TIE1: variants seen among roughly 807,000 people sequenced by gnomAD.
TIE1 encodes the protein tyrosine kinase with immunoglobulin like and EGF like domains 1.
Under a neutral mutation model 130.5 loss-of-function variants are expected in TIE1, and 89 were observed. The ratio of observed to expected loss-of-function variants is 0.68; its 90% CI spans 0.57 to 0.81. The LOEUF is 0.81. Among genes scored for constraint, TIE1 ranks in the 40% least tolerant of loss-of-function variants. The probability of loss-of-function intolerance (pLI) is 0.00; values close to 1 mark genes in which losing one functional copy is unlikely to be tolerated. For missense variants in TIE1, 1,392 were observed against 1,559.8 expected, an observed-to-expected ratio of 0.89 and a Z score of 1.81; for synonymous variants, 568 against 629.4, an observed-to-expected ratio of 0.90 and a Z score of 1.46.
At chr1:43,308,727 T>G in intron 7 of TIE1, 1 of 578,450 alleles carries the variant, frequency 1.7e-6, no homozygotes, top group Non-Finnish European at 3.2e-6. Context: ...GCTAGTGTGC[T>G]GGCTGGGAGG....
In TIE1 at chr1:43,311,526, C is replaced by A. The variant is rs557584547; in HGVS notation, c.1334-145C>A. On this transcript the variant is annotated intron_variant, in intron 9 of 22. Coordinates refer to ENST00000372476, the MANE Select transcript of TIE1 (RefSeq NM_005424.5). ...GCCCCAAGCTACCCAGGGGCCTGAA[C>A]TCTGTCCTCCCTGGGCCCTGGCCAC... 3 of 1,094,682 alleles carry A rather than the reference C, an allele frequency of 2.7e-6. No homozygotes were observed. In the African/African-American group the frequency reaches 4.7e-5, roughly 17 times the overall value. The allele number at this position is 1,094,682 out of a possible 1,614,324, so 67.8% of individuals were successfully genotyped here.
chr1:43,306,009 C>A lies in TIE1; in HGVS notation c.484+666C>A, dbSNP rs530907733. Among the ~76,000 whole-genome samples, 2 of 152,190 alleles carry A rather than the reference C, an allele frequency of 1.3e-5. No homozygotes were observed. Among genetic ancestry groups the A allele is most frequent in the Non-Finnish European group, 2.9e-5 (2 of 68,034 alleles). ...GGGCTGCCTCCTGAGCTCTGGACCCCGTGAATTGACAGGAAATGTGAAGAG... is the reference window on the plus strand; with the variant it reads ...GGGCTGCCTCCTGAGCTCTGGACCCAGTGAATTGACAGGAAATGTGAAGAG... On this transcript the variant is annotated intron_variant, in intron 3 of 22. Transcript: ENST00000372476. The surrounding 1 kb of genome is among the most constrained non-coding windows in gnomAD (Gnocchi z 4.9).
In TIE1 at chr1:43,307,899, G is replaced by A. The variant is rs1646747335; in HGVS notation, c.1017G>A (p.Trp339Ter). 1 of 1,614,068 alleles carries A rather than the reference G, an allele frequency of 6.2e-7. No homozygotes were observed. The highest frequency in any genetic ancestry group is 8.5e-7 in the Non-Finnish European group (1 of 1,180,028). The stretch of plus-strand genomic sequence containing the variant: ...GTGGTTGTGTCTGCCCCTCTGGGTG[G>A]CATGGAGTGCACTGTGAGAAGTCAG... ...RFSGCVCPSGWHGVHCEKSDR... is the reference protein window; with the variant it reads ...RFSGCVCPSG The change falls in exon 7 of 23, where the codon TGG becomes TGA. Residue 339 changes from tryptophan (W) to a stop codon, truncating the protein, a stop_gained. Transcript: ENST00000372476. LOFTEE classifies it high-confidence loss of function. The surrounding 1 kb of genome is among the most constrained non-coding windows in gnomAD (Gnocchi z 5.4).
Position 43,306,992 on chromosome 1 carries a change from C to T in TIE1, c.637C>T (p.Arg213Trp), listed in dbSNP as rs573341875. The T allele has an allele frequency of 7.4e-6, 12 of 1,613,736 alleles. No individual in the cohort carries two copies. The highest frequency in any genetic ancestry group is 6.7e-5 in the East Asian group (3 of 44,864). The change falls in exon 4 of 23, where the codon CGG (arginine) becomes TGG (tryptophan). Residue 213 changes from arginine to tryptophan, a missense_variant. Physicochemically the swap from Arg to Trp is moderately radical, Grantham distance 101. Around this residue, in one of 6 missense-constraint regions of TIE1, gnomAD observed 415 missense variants for 424.8 expected, o/e 0.98. Coordinates refer to ENST00000372476, the MANE Select transcript of TIE1 (RefSeq NM_005424.5). The surrounding 1 kb of genome is among the most constrained non-coding windows in gnomAD (Gnocchi z 4.9). ...LGSAFFRLIVRGCGAGRWGPG... is the reference protein window; with the variant it reads ...LGSAFFRLIVWGCGAGRWGPG... ...CAGCGCCTTCTTTCGGCTCATCGTGCGGGGTCAGAGGCAGAGGGCAGAGGT... is the reference window on the plus strand; with the variant it reads ...CAGCGCCTTCTTTCGGCTCATCGTGTGGGGTCAGAGGCAGAGGGCAGAGGT...
At chr1:43,311,266 G>A (rs1353006251) in intron 9 of TIE1, among the ~76,000 whole-genome samples, 1 of 152,112 alleles carries the variant, frequency 6.6e-6, no homozygotes, top group Non-Finnish European at 1.5e-5. Context: ...GTGTGGCGGG[G>A]AGCAGGTGCT....
At position 43,307,579 on chromosome 1, in the gene TIE1, C is replaced by T. The variant is rs369444789; in HGVS notation, c.913+7C>T. The T allele has an allele frequency of 1.2e-3, 1,898 of 1,614,028 alleles. 2 individuals are homozygous for T. Among genetic ancestry groups the T allele is most frequent in the Non-Finnish European group, 1.5e-3 (1,747 of 1,179,976 alleles). ...GGAAGCCAGTGCCAAGAAGGTATGC[C>T]TAACCTACCCTCATGGTCCCTGACC... On this transcript the variant is annotated splice_region_variant and intron_variant, in intron 6 of 22. Transcript: ENST00000372476. This position sits in a 1 kb window ranked among gnomAD's most constrained non-coding sequence, Gnocchi z 5.4.
In TIE1 at chr1:43,306,808, G is replaced by A; in HGVS notation, c.485-32G>A. The A allele has an allele frequency of 6.3e-7, 1 of 1,581,558 alleles. No homozygotes were observed. The highest frequency in any genetic ancestry group is 8.6e-7 in the Non-Finnish European group (1 of 1,164,098). ...AGAGGTGACACAGCCCTCATGTAGT[G>A]CTGAGGCCCCTGACACATTCATGTC... On this transcript the variant is annotated intron_variant, in intron 3 of 22. Coordinates refer to ENST00000372476, the MANE Select transcript of TIE1 (RefSeq NM_005424.5). This position sits in a 1 kb window ranked among gnomAD's most constrained non-coding sequence, Gnocchi z 4.9.
chr1:43,312,016 G>T lies in TIE1; in HGVS notation c.1515G>T (p.Thr505=). 6.3e-7 allele frequency: 1 copy of T among 1,599,784 alleles called. No homozygotes were observed. The part of the protein sequence containing the change: ...TIVVDPSENV[T]LMNLRPKTGY... ...CAGTGGACCCCAGTGAGAACGTGAC[G>T]TTAATGAACCTGAGGCCAAAGACAG... Residue 505 remains threonine (T), a synonymous_variant, in exon 11 of 23, where the codon ACG becomes ACT. Coordinates refer to ENST00000372476, the MANE Select transcript of TIE1 (RefSeq NM_005424.5). This position sits in a 1 kb window ranked among gnomAD's most constrained non-coding sequence, Gnocchi z 5.6.
In TIE1 at chr1:43,306,803, G is replaced by A; in HGVS notation, c.485-37G>A. 3.2e-6 allele frequency: 5 copies of A among 1,574,466 alleles called. No individual in the cohort carries two copies. The highest frequency in any genetic ancestry group is 4.3e-6 in the Non-Finnish European group (5 of 1,160,248). ...CAGAGAGAGGTGACACAGCCCTCAT[G>A]TAGTGCTGAGGCCCCTGACACATTC... On this transcript the variant is annotated intron_variant, in intron 3 of 22. Transcript: ENST00000372476. This position sits in a 1 kb window ranked among gnomAD's most constrained non-coding sequence, Gnocchi z 4.9.
chr1:43,312,266 A>T lies in TIE1; in HGVS notation c.1631-39A>T. The stretch of plus-strand genomic sequence containing the variant: ...ATCATTGTCCTGTCCAGCCCCAAGT[A>T]CCTACTGGACAGTTCTGACCCCTGA... On this transcript the variant is annotated intron_variant, in intron 11 of 22. Transcript: ENST00000372476. This position sits in a 1 kb window ranked among gnomAD's most constrained non-coding sequence, Gnocchi z 5.6. 1 of 1,514,136 alleles carries T rather than the reference A, an allele frequency of 6.6e-7. No individual in the cohort carries two copies. Among genetic ancestry groups the T allele is most frequent in the Non-Finnish European group, 8.8e-7 (1 of 1,130,710 alleles). 93.8% of individuals were successfully genotyped at this position (1,514,136 alleles called of 1,614,324 possible).
chr1:43,313,612 A>C lies in TIE1; in HGVS notation c.2219-166A>C. ...CCACTGTCCCAGGGCTGGGAAAATC[A>C]TGTCGCCCCTCTGACACCCCTCATC... is the stretch of plus-strand genomic sequence containing the variant. On this transcript the variant is annotated intron_variant, in intron 13 of 22. Coordinates refer to ENST00000372476, the MANE Select transcript of TIE1 (RefSeq NM_005424.5). This position sits in a 1 kb window ranked among gnomAD's most constrained non-coding sequence, Gnocchi z 6.2. 1 of 1,049,360 alleles carries C rather than the reference A, an allele frequency of 9.5e-7. No homozygotes were observed. Among genetic ancestry groups the C allele is most frequent in the South Asian group, 1.7e-5 (1 of 60,404 alleles). 65.0% of individuals were successfully genotyped at this position (1,049,360 alleles called of 1,614,324 possible). A position where few individuals can be genotyped will look rare whatever the true frequency, so the allele number is the denominator to read the frequency against.
In TIE1 at chr1:43,319,357, C is replaced by T; in HGVS notation, c.3036+9C>T. 1 of 1,611,162 alleles carries T rather than the reference C, an allele frequency of 6.2e-7. No homozygotes were observed. Among genetic ancestry groups the T allele is most frequent in the Non-Finnish European group, 8.5e-7 (1 of 1,177,324 alleles). On this transcript the variant is annotated intron_variant, in intron 18 of 22. Transcript: ENST00000372476. This position sits in a 1 kb window ranked among gnomAD's most constrained non-coding sequence, Gnocchi z 4.7. ...ATGTGAAGAAGACGATGGTGAGTCT[C>T]ATTCAACCCTCACCCTTAGGGCTTG...
In TIE1 at chr1:43,321,863, G is replaced by A. The variant is rs545181412; in HGVS notation, c.3345+148G>A. ...TCACCACGGCTAGGCTGGGCCCCAG[G>A]ATGCAGCCTGCCTTTCCAGCCCTCA... On this transcript the variant is annotated intron_variant, in intron 22 of 22. Transcript: ENST00000372476. The A allele has an allele frequency of 3.8e-5, 28 of 745,898 alleles. No individual in the cohort carries two copies. In the African/African-American group the frequency reaches 4.5e-4, roughly 12 times the overall value. 46.2% of individuals were successfully genotyped at this position (745,898 alleles called of 1,614,324 possible).
In TIE1 at chr1:43,317,646, C is replaced by T. The variant is rs1296088063; in HGVS notation, c.2703C>T (p.Ile901=). 6.2e-7 allele frequency: 1 copy of T among 1,602,088 alleles called. No individual in the cohort carries two copies. The highest frequency in any genetic ancestry group is 1.7e-5 in the Admixed American group (1 of 59,024). The change falls in exon 16 of 23, where the codon ATC becomes ATT. Residue 901 remains isoleucine (I), a synonymous_variant. Coordinates refer to ENST00000372476, the MANE Select transcript of TIE1 (RefSeq NM_005424.5). This position sits in a 1 kb window ranked among gnomAD's most constrained non-coding sequence, Gnocchi z 5.1. ...LCKLGHHPNI[I]NLLGACKNRG... is the part of the protein sequence containing the mutation. ...AATTGGGGCATCACCCCAACATCAT[C>T]AACCTCCTGGGGGCCTGTAAGAACC... is the stretch of plus-strand genomic sequence containing the variant.
intron 14 of TIE1, chr1:43,314,336 T>G: frequency 2.6e-6 from 3 of 1,145,380 alleles, no homozygotes; most frequent in Non-Finnish European, 3.3e-6. Flanking sequence ...AGCAAGGTGA[T>G]CAAATGGAAG....
chr1:43,304,653 A>C (rs1368415389), intron 1 of TIE1, among the ~76,000 whole-genome samples, 198 bp from the exon 2 acceptor site: 1 of 151,458 alleles, frequency 6.6e-6, no homozygotes, highest in African/African-American at 2.4e-5. Flanking sequence ...GGAAGGGGAA[A>C]GGAGGGGGAT....
Position 43,322,104 on chromosome 1 carries a change from G to A in TIE1, c.3345+389G>A, listed in dbSNP as rs1646926500. Among the ~76,000 whole-genome samples, 1 of 152,308 alleles carries A rather than the reference G, an allele frequency of 6.6e-6. No homozygotes were observed. Among genetic ancestry groups the A allele is most frequent in the East Asian group, 1.9e-4 (1 of 5,184 alleles). On this transcript the variant is annotated intron_variant, in intron 22 of 22. Transcript: ENST00000372476. The surrounding 1 kb of genome is among the most constrained non-coding windows in gnomAD (Gnocchi z 4.0). ...CAGATGGATGGATGGGTGAATGAGT[G>A]ATACAGTAACCGTATGAATGAATGA... is the stretch of plus-strand genomic sequence containing the variant.
intron 19 of TIE1, among the ~76,000 whole-genome samples, chr1:43,321,052 A>G (rs1375888885): frequency 9.3e-6 from 1 of 106,976 alleles, no homozygotes; most frequent in African/African-American, 3.2e-5. Flanking sequence ...AAAAAAAAAA[A>G]AACAAAACAA....
chr1:43,307,003 G>T lies in TIE1; in HGVS notation c.640+8G>T. 6 of 1,613,746 alleles carry T rather than the reference G, an allele frequency of 3.7e-6. No homozygotes were observed. The highest frequency in any genetic ancestry group is 2.2e-5 in the East Asian group (1 of 44,874). ...TTCGGCTCATCGTGCGGGGTCAGAG[G>T]CAGAGGGCAGAGGTTGTGGGTAGGG... is the stretch of plus-strand genomic sequence containing the variant. On this transcript the variant is annotated splice_region_variant and intron_variant, in intron 4 of 22. Transcript: ENST00000372476. The surrounding 1 kb of genome is among the most constrained non-coding windows in gnomAD (Gnocchi z 5.4).
Sources: gnomAD v4.1 joint callset for allele counts (sites outside exome capture counted in the v4.1 genomes callset) on GRCh38, gnomAD v4.1.1 for gene constraint, gnomAD v4.1.1 regional missense constraint, Gnocchi (gnomAD v3.1) non-coding constraint, MANE v1.5 for transcripts, NCBI Gene and HGNC (gene_info 2026-07-23, HGNC 2026-07-21) for gene names.